Variants in DIP2C observed in about 807,000 individuals in gnomAD.
DIP2C encodes disco-interacting protein 2 homolog C.
Under a neutral mutation model 192.4 loss-of-function variants are expected in DIP2C, and 33 were observed. The ratio of observed to expected loss-of-function variants is 0.17; its 90% CI spans 0.13 to 0.23. The LOEUF (loss-of-function observed/expected upper bound fraction) is 0.23, where lower values mean the gene tolerates loss of function less well. Among genes scored for constraint, DIP2C ranks in the 10% least tolerant of loss-of-function variants. DIP2C has a pLI of 1.00. For missense variants in DIP2C, 1,537 were observed against 2,110.1 expected (o/e 0.73, Z 5.32); for synonymous variants, 979 against 864.1 (o/e 1.13, Z -2.33).
intron 17 of DIP2C, among the ~76,000 whole-genome samples, chr10:377,172 A>G (rs1158002489): frequency 2.1e-5 from 3 of 140,906 alleles, no homozygotes; most frequent in African/African-American, 8.0e-5. Flanking sequence ...TGAATATACT[A>G]TTTACAGATA....
chr10:496,524 T>C (rs943197361), intron 1 of DIP2C, among the ~76,000 whole-genome samples: 13 of 145,738 alleles, frequency 8.9e-5, no homozygotes, highest in Non-Finnish European at 1.6e-4. Flanking sequence ...ATCTCTACAT[T>C]ACTCCCAAAT....
intron 6 of DIP2C, among the ~76,000 whole-genome samples, chr10:418,440 C>T (rs538280222): frequency 5.6e-4 from 86 of 152,308 alleles, no homozygotes; most frequent in African/African-American, 1.7e-3. Context: ...TGTATTTCAC[C>T]GCTAGGTTCT....
At chr10:571,441 G>A (rs776216723) in intron 1 of DIP2C, among the ~76,000 whole-genome samples, 2 of 151,436 alleles carry the variant, frequency 1.3e-5, no homozygotes, top group Admixed American at 6.6e-5. Context: ...CCTGCCCACT[G>A]CCCTCTCTCT....
intron 17 of DIP2C, among the ~76,000 whole-genome samples, chr10:371,974 T>C (rs1192653768): frequency 6.6e-6 from 1 of 152,168 alleles, no homozygotes; most frequent in Non-Finnish European, 1.5e-5. Flanking sequence ...CTAGCCAAGA[T>C]TGAGAACACT....
chr10:597,921 G>A (rs1851812311), intron 1 of DIP2C, among the ~76,000 whole-genome samples: 1 of 152,118 alleles, frequency 6.6e-6, no homozygotes, highest in African/African-American at 2.4e-5. Flanking sequence ...ATGCCCCCAG[G>A]GGCCAAGGAA....
At chr10:480,978 A>G (rs1342378434) in intron 2 of DIP2C, among the ~76,000 whole-genome samples, 1 of 152,228 alleles carries the variant, frequency 6.6e-6, no homozygotes, top group Non-Finnish European at 1.5e-5. Flanking sequence ...GTGAGCTGCC[A>G]CATGGCCTGA....
intron 1 of DIP2C, among the ~76,000 whole-genome samples, chr10:548,716 G>C (rs902948742): frequency 2.6e-5 from 4 of 151,912 alleles, no homozygotes; most frequent in Admixed American, 6.5e-5. Context: ...CCAGGCCTCA[G>C]ACTGTGGAGC....
chr10:413,826 G>A, intron 8 of DIP2C, 87 bp downstream of exon 8: 1 of 1,496,886 alleles, frequency 6.7e-7, no homozygotes, highest in Non-Finnish European at 9.1e-7. Flanking sequence ...CCTTAAGTGA[G>A]GATGTAAACG....
At chr10:548,220 A>ACC in intron 1 of DIP2C, among the ~76,000 whole-genome samples, 2 of 19,910 alleles carry the variant, frequency 1.0e-4, no homozygotes, top group African/African-American at 4.0e-4. Context: ...CCCCCCCCCC[A>ACC]CAGGAAAGCC....
chr10:590,372 G>A (rs1347278942), intron 1 of DIP2C, among the ~76,000 whole-genome samples: 3 of 152,352 alleles, frequency 2.0e-5, no homozygotes, highest in African/African-American at 2.4e-5. Context: ...CCTTGGCTCT[G>A]GAAAGGCTAA....
chr10:372,371 G>A (rs1322498065), intron 17 of DIP2C, among the ~76,000 whole-genome samples: 3 of 152,128 alleles, frequency 2.0e-5, no homozygotes, highest in African/African-American at 7.2e-5. Context: ...TACTGTGCCT[G>A]GCCAAGATCC....
chr10:541,543 C>CACA (rs1847986626), intron 1 of DIP2C, among the ~76,000 whole-genome samples: 1 of 148,396 alleles, frequency 6.7e-6, no homozygotes, highest in Admixed American at 6.7e-5. Context: ...TCCTCGACCC[C>CACA]ACAGTGTGAC....
intron 10 of DIP2C, among the ~76,000 whole-genome samples, chr10:392,878 T>TCA (rs1963607118): frequency 1.0e-5 from 1 of 98,622 alleles, no homozygotes; most frequent in Admixed American, 1.2e-4. Flanking sequence ...CACTCAACAC[T>TCA]CACACACACG....
At chr10:341,785 G>A (rs1589540100) in intron 28 of DIP2C, among the ~76,000 whole-genome samples, 1 of 152,206 alleles carries the variant, frequency 6.6e-6, no homozygotes, top group South Asian at 2.1e-4. Context: ...AGGCCAAGGT[G>A]GGATGGTCAC....
chr10:314,059 G>C (rs1035818536), intron 31 of DIP2C, among the ~76,000 whole-genome samples: 2 of 152,214 alleles, frequency 1.3e-5, no homozygotes, highest in African/African-American at 4.8e-5. Context: ...ACGAGAAAAG[G>C]TTTGGGTTGT....
chr10:621,107 G>A (rs1020253133), intron 1 of DIP2C, among the ~76,000 whole-genome samples: 2 of 152,326 alleles, frequency 1.3e-5, no homozygotes, highest in Admixed American at 6.5e-5. Context: ...CAGAGAGGGA[G>A]ACCCCGACCC....
chr10:304,729 AC>A (rs1215284453), intron 32 of DIP2C, among the ~76,000 whole-genome samples: 8 of 143,418 alleles, frequency 5.6e-5, no homozygotes, highest in Non-Finnish European at 1.2e-4. Context: ...ACACACGTAC[AC>A]ATGTAACATA....
At chr10:658,773 C>A (rs550106321) in intron 1 of DIP2C, among the ~76,000 whole-genome samples, 1 of 152,190 alleles carries the variant, frequency 6.6e-6, no homozygotes, top group East Asian at 1.9e-4. Context: ...TATATTTAAC[C>A]CCAATGGTAT....
At chr10:538,000 A>G (rs981558467) in intron 1 of DIP2C, among the ~76,000 whole-genome samples, 6 of 152,086 alleles carry the variant, frequency 3.9e-5, no homozygotes, top group African/African-American at 1.2e-4. Context: ...ATGTTGGCCA[A>G]TCTGGTCTTG....
Sources: gnomAD v4.1 joint callset for allele counts (sites outside exome capture counted in the v4.1 genomes callset) on GRCh38, gnomAD v4.1.1 for gene constraint, MANE v1.5 for transcripts, NCBI Gene and HGNC (gene_info 2026-07-23, HGNC 2026-07-21) for gene names.